CORO2A: variants seen among roughly 807,000 people sequenced by gnomAD.
CORO2A encodes coronin-2A.
A neutral mutation model predicts 62.4 loss-of-function variants in CORO2A; 47 were observed. The ratio of observed to expected loss-of-function variants is 0.75; its 90% confidence interval spans 0.60 to 0.96. CORO2A has a LOEUF of 0.96. CORO2A is among the 40% of genes least tolerant of loss of function. CORO2A has a pLI of 0.00. For synonymous variants in CORO2A, 273 were observed against 268.9 expected (o/e 1.02, Z -0.15); for missense variants, 610 against 684.1 (o/e 0.89, Z 1.21).
intron 5 of CORO2A, 58 bp from the exon 6 acceptor site, chr9:98,132,359 G>A: frequency 7.0e-7 from 1 of 1,438,494 alleles, no homozygotes; most frequent in Admixed American, 1.7e-5. Context: ...GGGCAGCTGG[G>A]GTTTCTGGCC....
intron 1 of CORO2A, among the ~76,000 whole-genome samples, chr9:98,158,853 A>G (rs1413663922): frequency 6.6e-6 from 1 of 151,938 alleles, no homozygotes; most frequent in African/African-American, 2.4e-5. Context: ...ACACACACAC[A>G]CACACACCAT....
chr9:98,149,593 C>A (rs913685559), intron 2 of CORO2A, among the ~76,000 whole-genome samples: 1 of 152,202 alleles, frequency 6.6e-6, no homozygotes, highest in Non-Finnish European at 1.5e-5. Flanking sequence ...GTGCCGCAGG[C>A]CACGGGGAGG....
chr9:98,133,132 G>C lies in CORO2A; in HGVS notation c.554C>G (p.Ser185Cys). 6.2e-7 allele frequency: 1 copy of C among 1,614,254 alleles called. No individual in the cohort carries two copies. Among genetic ancestry groups the C allele is most frequent in the Non-Finnish European group, 8.5e-7 (1 of 1,180,042 alleles). ...GCTGCCGTTGGTGTTGAAGGACATG[G>C]AGAGGATCACATCTTGGTGACAGCT... is the stretch of plus-strand genomic sequence containing the variant. The part of the protein sequence containing the change: ...TISCHQDVIL[S>C]MSFNTNGSLL... The change falls in exon 5 of 12, where the codon TCC becomes TGC. Residue 185 changes from serine (S) to cysteine (C), a missense_variant. By Grantham distance (112) the Ser-to-Cys change is moderately radical. Coordinates refer to ENST00000375077, the MANE Select transcript of CORO2A (RefSeq NM_052820.4).
At chr9:98,145,806 G>A (rs1422778902) in intron 2 of CORO2A, among the ~76,000 whole-genome samples, 4 of 152,128 alleles carry the variant, frequency 2.6e-5, no homozygotes, top group Admixed American at 2.0e-4. Context: ...TCTGTCTCCC[G>A]GGTTCAAGTG....
intron 6 of CORO2A, among the ~76,000 whole-genome samples, chr9:98,131,790 C>G (rs1026231566): frequency 2.0e-5 from 3 of 152,120 alleles, no homozygotes; most frequent in Non-Finnish European, 4.4e-5. Context: ...TGGCCCTCAC[C>G]CTACCCTGCT....
At chr9:98,178,349 C>T (rs1251341008) in intron 1 of CORO2A, among the ~76,000 whole-genome samples, 1 of 152,210 alleles carries the variant, frequency 6.6e-6, no homozygotes, top group Non-Finnish European at 1.5e-5. Flanking sequence ...TCTTCCATTC[C>T]CTTGTCTTCA....
chr9:98,157,667 G>A lies in CORO2A; in HGVS notation c.1-7C>T. On this transcript the variant is annotated splice_region_variant and splice_polypyrimidine_tract_variant and intron_variant, in intron 1 of 11. Transcript: ENST00000375077. ...ACTGGGGGTGCCATGACATCTGCAG[G>A]AGACAAATGGGACAAAGGGTATGAG... The A allele has an allele frequency of 1.2e-6, 2 of 1,610,108 alleles. No homozygotes were observed. Among genetic ancestry groups the A allele is most frequent in the East Asian group, 2.2e-5 (1 of 44,854 alleles).
intron 1 of CORO2A, among the ~76,000 whole-genome samples, chr9:98,157,973 C>T (rs1004025828): frequency 6.6e-6 from 1 of 152,124 alleles, no homozygotes; most frequent in Non-Finnish European, 1.5e-5. Context: ...CCACATTGAC[C>T]CCCATCTGCT....
chr9:98,166,329 C>T (rs546919242), intron 1 of CORO2A, among the ~76,000 whole-genome samples: 2 of 152,034 alleles, frequency 1.3e-5, no homozygotes, highest in Admixed American at 6.5e-5. Flanking sequence ...GTTATGATAC[C>T]AGGAACAGGC....
intron 3 of CORO2A, among the ~76,000 whole-genome samples, chr9:98,136,008 A>T (rs1447445149): frequency 6.6e-6 from 1 of 152,206 alleles, no homozygotes; most frequent in Non-Finnish European, 1.5e-5. Context: ...CCAGGCCCTG[A>T]AGGCAGGGAG....
intron 1 of CORO2A, among the ~76,000 whole-genome samples, chr9:98,174,872 C>T: frequency 6.6e-6 from 1 of 152,158 alleles, no homozygotes; most frequent in East Asian, 1.9e-4. Flanking sequence ...TGGACTAATA[C>T]AGATGGCTGC....
chr9:98,181,416 T>A (rs1371028472), intron 1 of CORO2A, among the ~76,000 whole-genome samples: 2 of 143,190 alleles, frequency 1.4e-5, no homozygotes, highest in Non-Finnish European at 3.0e-5. Flanking sequence ...CTTCAAGCAA[T>A]CCTCATGTCT....
chr9:98,128,866 G>A, intron 8 of CORO2A, 147 bp from the exon 9 acceptor site: 1 of 624,810 alleles, frequency 1.6e-6, no homozygotes, highest in Non-Finnish European at 2.9e-6. Context: ...ACTGGGCTGG[G>A]CCCTATGTTG....
intron 7 of CORO2A, 35 bp from the exon 8 acceptor site, chr9:98,129,925 T>G (rs1418464181): frequency 7.8e-6 from 12 of 1,543,974 alleles, no homozygotes; most frequent in Non-Finnish European, 1.1e-5. Context: ...AGGGTGAGAT[T>G]CAGAGCTGGA....
chr9:98,182,172 G>A (rs529819978), intron 1 of CORO2A, among the ~76,000 whole-genome samples: 1 of 152,318 alleles, frequency 6.6e-6, no homozygotes, highest in East Asian at 1.9e-4. Flanking sequence ...CTGTTTTGCT[G>A]TGCTTGGTAT....
At chr9:98,185,719 GC>G (rs904945603) in intron 1 of CORO2A, among the ~76,000 whole-genome samples, 11 of 152,198 alleles carry the variant, frequency 7.2e-5, no homozygotes, top group Non-Finnish European at 1.5e-4. Context: ...CATAGACCAC[GC>G]CCTGTGCAAG....
rs200964561 is a variant in CORO2A at position 98,132,317 on chromosome 9, C to T, written c.649-16G>A. On this transcript the variant is annotated splice_polypyrimidine_tract_variant and intron_variant, in intron 5 of 11. Coordinates refer to ENST00000375077, the MANE Select transcript of CORO2A (RefSeq NM_052820.4). ...AGCTGGCCTCCTGGAGGGACACGTGCGGTCGGTATTGGAGAGACAGTAGAG... is the reference window on the plus strand; with the variant it reads ...AGCTGGCCTCCTGGAGGGACACGTGTGGTCGGTATTGGAGAGACAGTAGAG... 1.7e-5 allele frequency: 27 copies of T among 1,604,312 alleles called. No homozygotes were observed. Among genetic ancestry groups the T allele is most frequent in the East Asian group, 8.9e-5 (4 of 44,842 alleles).
intron 8 of CORO2A, among the ~76,000 whole-genome samples, chr9:98,129,053 G>A (rs1005914710): frequency 2.6e-5 from 4 of 151,962 alleles, no homozygotes; most frequent in African/African-American, 7.3e-5. Context: ...CTGCCTTAGC[G>A]TCCCAAGTAG....
rs1827235165 is a variant in CORO2A, at chr9:98,120,993, ATG to A, written c.*3779_*3780del. ...AAGCTCCTTGTAGTAAAATGGCCAGATGTTTATTATTTTGTTACATTATTTCC... is the reference window on the plus strand; with the variant it reads ...AAGCTCCTTGTAGTAAAATGGCCAGATTTATTATTTTGTTACATTATTTCC... On this transcript the variant is annotated 3_prime_UTR_variant, in exon 12 of 12. Transcript: ENST00000375077. The A allele has an allele frequency of 6.6e-6, 1 of 152,184 alleles. No individual in the cohort carries two copies. The highest frequency in any genetic ancestry group is 1.5e-5 in the Non-Finnish European group (1 of 68,048). The allele number at this position is 152,184 out of a possible 1,614,324, so 9.4% of individuals were successfully genotyped here.
Sources: allele counts gnomAD v4.1 joint callset (sites outside exome capture counted in the v4.1 genomes callset), GRCh38; gene constraint gnomAD v4.1.1; transcripts MANE v1.5; gene names NCBI Gene and HGNC (gene_info 2026-07-23, HGNC 2026-07-21).